The following ANXA6 variants were observed in gnomAD, a reference collection of about 807,000 sequenced individuals.
ANXA6 encodes 67 kDa calelectrin.
ANXA6 carries 71 observed loss-of-function variants against 95.4 expected under a neutral mutation model. The ratio of observed to expected loss-of-function variants is 0.74; its 90% CI spans 0.61 to 0.91. The LOEUF (loss-of-function observed/expected upper bound fraction) is 0.91. ANXA6 is among the 40% of genes least tolerant of loss of function. The pLI is 0.00. For missense variants in ANXA6, 830 were observed against 876.4 expected (o/e 0.95, Z 0.67); for synonymous variants, 289 against 315.9 (o/e 0.91, Z 0.90).
chr5:151,101,514 G>A lies in ANXA6; in HGVS notation c.1963-7C>T. ...AGTCTCCGGAGGTGTCACCCTGGCA[G>A]AGGCAGAGAGCAGAGTGAGTGAAAA... On this transcript the variant is annotated splice_region_variant and splice_polypyrimidine_tract_variant and intron_variant, in intron 25 of 25. Transcript: ENST00000354546. The A allele has an allele frequency of 6.4e-7, 1 of 1,557,926 alleles. No individual in the cohort carries two copies. The highest frequency in any genetic ancestry group is 8.7e-7 in the Non-Finnish European group (1 of 1,150,656).
rs1337780723 is a variant in ANXA6 at position 151,109,683 on chromosome 5, G to C, written c.1684+70C>G. ...GGCAACGGGCTCCTCTTGCCACAGAGAGCTGAGAGGCTCTCATCAGATTCT... is the reference window on the plus strand; with the variant it reads ...GGCAACGGGCTCCTCTTGCCACAGACAGCTGAGAGGCTCTCATCAGATTCT... On this transcript the variant is annotated intron_variant, in intron 22 of 25. Transcript: ENST00000354546. 12 of 1,277,318 alleles carry C rather than the reference G, an allele frequency of 9.4e-6. No individual in the cohort carries two copies. In the East Asian group the frequency reaches 3.0e-4, roughly 32 times the overall value. The allele number at this position is 1,277,318 out of a possible 1,614,324, so 79.1% of individuals were successfully genotyped here. A position where few individuals can be genotyped will look rare whatever the true frequency, so the allele number is the denominator to read the frequency against.
intron 1 of ANXA6, chr5:151,151,220 G>A (rs78906049): frequency 6.6e-6 from 1 of 152,438 alleles, no homozygotes; most frequent in Non-Finnish European, 1.5e-5. Flanking sequence ...AAGCTCCTGA[G>A]CTAATCATAA....
chr5:151,135,306 A>G (rs546598749), intron 7 of ANXA6, among the ~76,000 whole-genome samples: 2 of 152,274 alleles, frequency 1.3e-5, no homozygotes, highest in East Asian at 3.9e-4. Flanking sequence ...TGACTCCAAG[A>G]TACAGGGATA....
chr5:151,122,003 T>C, intron 17 of ANXA6, 144 bp downstream of exon 17: 1 of 519,750 alleles, frequency 1.9e-6, no homozygotes, highest in Non-Finnish European at 3.4e-6. Flanking sequence ...GGAGCCAACA[T>C]CTCCTTTTGT....
At chr5:151,137,724 G>A (rs1475588106) in intron 5 of ANXA6, among the ~76,000 whole-genome samples, 1 of 152,160 alleles carries the variant, frequency 6.6e-6, no homozygotes, top group Non-Finnish European at 1.5e-5. Context: ...CATGTGAGAT[G>A]CCTGCTCCCT....
rs773345885 is a variant in ANXA6, at chr5:151,129,467, C to T, written c.858G>A (p.Met286Ile). 1.2e-6 allele frequency: 2 copies of T among 1,613,152 alleles called. No individual in the cohort carries two copies. Among genetic ancestry groups the T allele is most frequent in the Non-Finnish European group, 1.7e-6 (2 of 1,179,722 alleles). Residue 286 changes from methionine to isoleucine, a missense_variant, in exon 12 of 26, where the codon ATG becomes ATA. Met to Ile is a conservative substitution (Grantham distance 10). Transcript: ENST00000354546. Reference protein sequence around the residue: ...RIMVSRSELDMLDIREIFRTK... With the variant: ...RIMVSRSELDILDIREIFRTK... Reference sequence around the variant, plus strand: ...TCCGGAAGATCTCCCGAATGTCGAGCATGTCCAACTCACTACGGGAGACCA... The same window carrying T: ...TCCGGAAGATCTCCCGAATGTCGAGTATGTCCAACTCACTACGGGAGACCA...
intron 1 of ANXA6, among the ~76,000 whole-genome samples, chr5:151,153,295 CA>C (rs1766152429): frequency 2.0e-5 from 3 of 152,182 alleles, no homozygotes; most frequent in Non-Finnish European, 4.4e-5. Flanking sequence ...TCAAAACTAC[CA>C]AAGATTTAAG....
chr5:151,101,137 T>C lies in ANXA6; in HGVS notation c.*311A>G, dbSNP rs918487376. 1 of 551,850 alleles carries C rather than the reference T, an allele frequency of 1.8e-6. No individual in the cohort carries two copies. The highest frequency in any genetic ancestry group is 3.4e-6 in the Non-Finnish European group (1 of 296,322). The allele number at this position is 551,850 out of a possible 1,614,324, so 34.2% of individuals were successfully genotyped here. A position where few individuals can be genotyped will look rare whatever the true frequency, so the allele number is the denominator to read the frequency against. On this transcript the variant is annotated 3_prime_UTR_variant, in exon 26 of 26. Coordinates refer to ENST00000354546, the MANE Select transcript of ANXA6 (RefSeq NM_001155.5). Reference sequence around the variant, plus strand: ...GACAGAGGTTCAGGATGTTTTTGGATCTGACATAGCCCAAACCAGGGCAGA... The same window carrying C: ...GACAGAGGTTCAGGATGTTTTTGGACCTGACATAGCCCAAACCAGGGCAGA...
chr5:151,143,730 CA>C (rs1457299272), intron 2 of ANXA6, among the ~76,000 whole-genome samples: 1 of 152,092 alleles, frequency 6.6e-6, no homozygotes, highest in Non-Finnish European at 1.5e-5. Flanking sequence ...TTTCTAGCAC[CA>C]AGTACAGGGC....
chr5:151,140,886 CCTCTGCTCTCCAGCCCCG>C (rs1765816670), intron 2 of ANXA6, among the ~76,000 whole-genome samples: 1 of 152,220 alleles, frequency 6.6e-6, no homozygotes, highest in Non-Finnish European at 1.5e-5. Flanking sequence ...AGACCTTTTC[CCTCTGCTCTCCAGCCCCG>C]CTCTGCTCTC....
chr5:151,124,461 T>G lies in ANXA6; in HGVS notation c.1057-94A>C, dbSNP rs549848331. 245 of 1,282,520 alleles carry G rather than the reference T, an allele frequency of 1.9e-4. 3 individuals carry two copies. In the African/African-American group the frequency reaches 3.3e-3, roughly 17 times the overall value. The allele number at this position is 1,282,520 out of a possible 1,614,324, so 79.4% of individuals were successfully genotyped here. A position where few individuals can be genotyped will look rare whatever the true frequency, so the allele number is the denominator to read the frequency against. On this transcript the variant is annotated intron_variant, in intron 14 of 25. Coordinates refer to ENST00000354546, the MANE Select transcript of ANXA6 (RefSeq NM_001155.5). ...ATGCGAGGGTGGGAAGCTCACCCCA[T>G]GAGCCCAAACCAAGCGGCGTGGGTG...
intron 20 of ANXA6, among the ~76,000 whole-genome samples, chr5:151,114,039 C>T (rs1023193899): frequency 6.6e-6 from 1 of 152,136 alleles, no homozygotes; most frequent in Non-Finnish European, 1.5e-5. Context: ...CAAAAGGCCA[C>T]GTATTAATAT....
chr5:151,141,858 G>C (rs1350097411), intron 2 of ANXA6, among the ~76,000 whole-genome samples: 2 of 152,208 alleles, frequency 1.3e-5, no homozygotes, highest in African/African-American at 4.8e-5. Context: ...AGTGAGCGCA[G>C]GATGGGGGCT....
chr5:151,103,577 G>A lies in ANXA6; in HGVS notation c.1955C>T (p.Ala652Val). The A allele has an allele frequency of 6.2e-6, 10 of 1,612,450 alleles. No homozygotes were observed. The highest frequency in any genetic ancestry group is 8.5e-6 in the Non-Finnish European group (10 of 1,179,238). Reference sequence around the variant, plus strand: ...TCTAGCCCCTCCCCTTACCTCAATGGCTTGGTGGAGAGACTTGTCATATTT... The same window carrying A: ...TCTAGCCCCTCCCCTTACCTCAATGACTTGGTGGAGAGACTTGTCATATTT... ...IEKYDKSLHQ[A>V]IEGDTSGDFL... is the part of the protein sequence containing the mutation. Residue 652 changes from alanine to valine, a missense_variant, in exon 25 of 26, where the codon GCC becomes GTC. Ala to Val is a moderately conservative substitution (Grantham distance 64). Coordinates refer to ENST00000354546, the MANE Select transcript of ANXA6 (RefSeq NM_001155.5).
intron 1 of ANXA6, chr5:151,155,217 G>A (rs190195469): frequency 2.0e-5 from 3 of 152,098 alleles, no homozygotes; most frequent in African/African-American, 7.2e-5. Context: ...CAAATTTAAG[G>A]GTTCGAGAGG....
chr5:151,140,904 G>A (rs566506252), intron 2 of ANXA6, among the ~76,000 whole-genome samples: 47 of 151,962 alleles, frequency 3.1e-4, no homozygotes, highest in South Asian at 8.3e-4. Flanking sequence ...CTCCAGCCCC[G>A]CTCTGCTCTC....
intron 13 of ANXA6, 97 bp from the exon 14 acceptor site, chr5:151,126,577 C>A: frequency 2.3e-6 from 2 of 874,242 alleles, no homozygotes; most frequent in East Asian, 2.6e-5. Flanking sequence ...CACACCCCAA[C>A]ACATACACAC....
rs377430507 is a variant in ANXA6 at position 151,125,670 on chromosome 5, T to C, written c.1056+732A>G. 5.3e-4 allele frequency among the ~76,000 whole-genome samples: 81 copies of C among 152,300 alleles called. 1 individual carries two copies. Among genetic ancestry groups the C allele is most frequent in the Middle Eastern group, 3.4e-3 (1 of 294 alleles). ...AGGAGTGCCTTTCTCATTCACTCTG[T>C]GGAGTTCAGCGTTATTCAACCCTGC... On this transcript the variant is annotated intron_variant, in intron 14 of 25. Coordinates refer to ENST00000354546, the MANE Select transcript of ANXA6 (RefSeq NM_001155.5).
chr5:151,128,161 G>A lies in ANXA6; in HGVS notation c.977+20C>T, dbSNP rs1271450112. On this transcript the variant is annotated intron_variant, in intron 13 of 25. Coordinates refer to ENST00000354546, the MANE Select transcript of ANXA6 (RefSeq NM_001155.5). ...ACCCCAAGGCCATGCCCTCCAGCCA[G>A]GGGCCAAGAAGCCACTTACTCATCA... 1 of 1,608,170 alleles carries A rather than the reference G, an allele frequency of 6.2e-7. No individual in the cohort carries two copies. The highest frequency in any genetic ancestry group is 8.5e-7 in the Non-Finnish European group (1 of 1,177,004).
Sources: allele counts gnomAD v4.1 joint callset (sites outside exome capture counted in the v4.1 genomes callset), GRCh38; gene constraint gnomAD v4.1.1; transcripts MANE v1.5; gene names NCBI Gene and HGNC (gene_info 2026-07-23, HGNC 2026-07-21).